SNTG1: variants seen among roughly 807,000 people sequenced by gnomAD.
SNTG1 encodes the protein syntrophin gamma 1.
Under a neutral mutation model 74.7 loss-of-function variants are expected in SNTG1, and 39 were observed. The ratio of observed to expected loss-of-function variants is 0.52; its 90% CI spans 0.40 to 0.68. SNTG1 has a LOEUF of 0.68. Ranked by LOEUF, SNTG1 falls within the 30% of genes least tolerant of loss-of-function variation. The probability of loss-of-function intolerance (pLI) is 0.00; values close to 1 mark genes in which losing one functional copy is unlikely to be tolerated. For missense variants in SNTG1, 685 were observed against 609.5 expected (o/e 1.12, Z -1.30); for synonymous variants, 254 against 217.1 (o/e 1.17, Z -1.49).
chr8:50,787,128 G>T (rs1296540318), intron 18 of SNTG1, among the ~76,000 whole-genome samples: 1 of 149,166 alleles, frequency 6.7e-6, no homozygotes, highest in Non-Finnish European at 1.5e-5. Context: ...GGTTTTCAGA[G>T]AAAAAAAAAG....
chr8:50,235,404 T>C (rs1313938039), intron 2 of SNTG1, among the ~76,000 whole-genome samples: 4 of 152,172 alleles, frequency 2.6e-5, no homozygotes, highest in African/African-American at 4.8e-5. Context: ...TTCTCATAAA[T>C]AGAATTAATC....
chr8:50,725,461 A>G (rs2095497728), intron 17 of SNTG1, among the ~76,000 whole-genome samples: 1 of 152,194 alleles, frequency 6.6e-6, no homozygotes, highest in Admixed American at 6.5e-5. Context: ...AATCCAAAAT[A>G]ATATAAAAGT....
intron 18 of SNTG1, among the ~76,000 whole-genome samples, chr8:50,779,294 A>C (rs1400191222): frequency 6.6e-6 from 1 of 152,164 alleles, no homozygotes; most frequent in Admixed American, 6.5e-5. Flanking sequence ...TATTTTGGGC[A>C]GTATGGTCAT....
At chr8:50,517,776 C>A (rs1392538266) in intron 9 of SNTG1, among the ~76,000 whole-genome samples, 2 of 152,154 alleles carry the variant, frequency 1.3e-5, no homozygotes, top group East Asian at 1.9e-4. Flanking sequence ...TATATATGCA[C>A]CCAATATAGG....
At chr8:50,429,315 T>A (rs1405284161) in intron 4 of SNTG1, among the ~76,000 whole-genome samples, 2 of 152,090 alleles carry the variant, frequency 1.3e-5, no homozygotes, top group Non-Finnish European at 2.9e-5. Context: ...GGAATAGAAT[T>A]GAGAGTTCAG....
chr8:50,211,259 C>G (rs572156732), intron 2 of SNTG1, among the ~76,000 whole-genome samples: 3 of 152,162 alleles, frequency 2.0e-5, no homozygotes, highest in African/African-American at 7.2e-5. Flanking sequence ...ATTAAAAGGT[C>G]TGCTTAACTT....
At chr8:50,619,797 A>C (rs1339324534) in intron 13 of SNTG1, among the ~76,000 whole-genome samples, 1 of 150,244 alleles carries the variant, frequency 6.7e-6, no homozygotes, top group Non-Finnish European at 1.5e-5. Flanking sequence ...CCTTTTACCC[A>C]TGCTACTAAG....
intron 9 of SNTG1, among the ~76,000 whole-genome samples, chr8:50,504,504 A>G (rs1483484076): frequency 6.6e-6 from 1 of 152,182 alleles, no homozygotes; most frequent in Non-Finnish European, 1.5e-5. Flanking sequence ...TAAATTGCCG[A>G]ATTTAGGTGG....
chr8:49,967,183 G>A lies in SNTG1; in HGVS notation c.-103+54952G>A, dbSNP rs181989872. Reference sequence around the variant, plus strand: ...TTTTTATTTCACAAATGAAAAAACAGATGTACAGTATAGGTTATTTCTTCC... The same window carrying A: ...TTTTTATTTCACAAATGAAAAAACAAATGTACAGTATAGGTTATTTCTTCC... On this transcript the variant is annotated intron_variant, in intron 1 of 18. Transcript: ENST00000642720. Among the ~76,000 whole-genome samples, 164 of 152,300 alleles carry A rather than the reference G, an allele frequency of 1.1e-3. 1 individual carries two copies. The highest frequency in any genetic ancestry group is 1.9e-3 in the Non-Finnish European group (132 of 68,016).
chr8:50,209,948 C>T (rs34160877), intron 2 of SNTG1, among the ~76,000 whole-genome samples: 22,065 of 152,098 alleles, frequency 0.15, 1,959 homozygotes, highest in Middle Eastern at 0.23. Flanking sequence ...GGAGGATGTA[C>T]GAATCCATTG....
intron 2 of SNTG1, among the ~76,000 whole-genome samples, chr8:50,360,566 C>G (rs2091929274): frequency 6.6e-6 from 1 of 152,080 alleles, no homozygotes; most frequent in Non-Finnish European, 1.5e-5. Context: ...GTGCCAATAT[C>G]AGTGTATTTA....
At chr8:50,440,906 G>GA (rs975024053) in intron 5 of SNTG1, among the ~76,000 whole-genome samples, 3 of 152,016 alleles carry the variant, frequency 2.0e-5, no homozygotes, top group South Asian at 2.1e-4. Flanking sequence ...CTTTAAAAAA[G>GA]AAAAAAACTT....
At chr8:49,918,102 C>CT (rs557965107) in intron 1 of SNTG1, among the ~76,000 whole-genome samples, 9 of 152,036 alleles carry the variant, frequency 5.9e-5, no homozygotes, top group Non-Finnish European at 8.8e-5. Flanking sequence ...TTTTCCAGAC[C>CT]TTTTTGTTTT....
intron 2 of SNTG1, among the ~76,000 whole-genome samples, chr8:50,187,520 G>C (rs1433846728): frequency 6.6e-6 from 1 of 152,146 alleles, no homozygotes; most frequent in African/African-American, 2.4e-5. Context: ...AACTTTTACA[G>C]TATCTTTGTT....
chr8:50,165,729 G>T (rs554869396), intron 1 of SNTG1, among the ~76,000 whole-genome samples: 9 of 152,220 alleles, frequency 5.9e-5, no homozygotes, highest in African/African-American at 1.9e-4. Flanking sequence ...AACCTTAGTG[G>T]TTCCTAAAAA....
chr8:50,395,099 G>A (rs868238238), intron 3 of SNTG1, among the ~76,000 whole-genome samples: 12 of 151,996 alleles, frequency 7.9e-5, no homozygotes, highest in African/African-American at 2.7e-4. Context: ...AATGTCATGT[G>A]TTTACAGTTC....
At chr8:49,994,814 G>T (rs1048041442) in intron 1 of SNTG1, among the ~76,000 whole-genome samples, 13 of 151,966 alleles carry the variant, frequency 8.6e-5, no homozygotes, top group Admixed American at 7.9e-4. Flanking sequence ...GGGCTAAAGG[G>T]TACCTCAAAG....
At chr8:50,583,181 T>C (rs1281655242) in intron 12 of SNTG1, among the ~76,000 whole-genome samples, 2 of 151,616 alleles carry the variant, frequency 1.3e-5, no homozygotes. Flanking sequence ...GGCGAGTGGA[T>C]CACCTGAGGC....
intron 1 of SNTG1, among the ~76,000 whole-genome samples, chr8:50,107,875 C>T (rs1018074926): frequency 2.0e-5 from 3 of 152,032 alleles, no homozygotes; most frequent in East Asian, 1.9e-4. Flanking sequence ...TTAACAAGAG[C>T]GAATCACTAA....
Sources: gnomAD v4.1 joint callset for allele counts (sites outside exome capture counted in the v4.1 genomes callset) on GRCh38, gnomAD v4.1.1 for gene constraint, MANE v1.5 for transcripts, NCBI Gene and HGNC (gene_info 2026-07-23, HGNC 2026-07-21) for gene names.